MXI1: variants seen among roughly 807,000 people sequenced by gnomAD.
The protein encoded by MXI1 is MAX interactor 1, dimerization protein, also known as max-interacting protein 1.
Under a neutral mutation model 36.9 loss-of-function variants are expected in MXI1, and 18 were observed. That is an observed-to-expected ratio of 0.49 (90% CI 0.34 to 0.72). The LOEUF (loss-of-function observed/expected upper bound fraction) is 0.72, where lower values mean the gene tolerates loss of function less well. Ranked by LOEUF, MXI1 falls within the 30% of genes least tolerant of loss-of-function variation. MXI1 has a pLI of 0.01. For synonymous variants in MXI1, 160 were observed against 146.7 expected (o/e 1.09, Z -0.65); for missense variants, 304 against 379.1 (o/e 0.80, Z 1.64).
chr10:110,261,286 A>G (rs1416815241), intron 3 of MXI1: 4 of 362,536 alleles, frequency 1.1e-5, no homozygotes, highest in African/African-American at 8.8e-5. Flanking sequence ...TTGCTTGCAG[A>G]GTTGCTAAGC....
rs77305453 is a variant in MXI1 at position 110,244,002 on chromosome 10, T to C, written c.408-826T>C. 5.6e-4 allele frequency among the ~76,000 whole-genome samples: 85 copies of C among 152,162 alleles called. No homozygotes were observed. The East Asian group carries it at 0.015, about 28-fold the overall frequency. On this transcript the variant is annotated intron_variant, in intron 2 of 5. Coordinates refer to ENST00000332674, the MANE Select transcript of MXI1 (RefSeq NM_130439.3). ...AAATCATGGCTGCCACTTTATACTC[T>C]TGGGAGAGGAGTATATTTCTTGACT...
chr10:110,221,488 C>T (rs1276011962), intron 1 of MXI1, among the ~76,000 whole-genome samples: 1 of 152,166 alleles, frequency 6.6e-6, no homozygotes, highest in Non-Finnish European at 1.5e-5. Context: ...CCAAAGTAAG[C>T]AAGCCGCTTA....
At chr10:110,271,908 T>C (rs891168583) in intron 3 of MXI1, among the ~76,000 whole-genome samples, 3 of 152,222 alleles carry the variant, frequency 2.0e-5, no homozygotes, top group African/African-American at 2.4e-5. Flanking sequence ...AGAAAGAATA[T>C]GTGACTATTT....
intron 3 of MXI1, among the ~76,000 whole-genome samples, chr10:110,277,357 A>T (rs899029530): frequency 1.3e-5 from 2 of 152,120 alleles, no homozygotes; most frequent in African/African-American, 4.8e-5. Flanking sequence ...CAGTCATATT[A>T]TATGAGTGCA....
chr10:110,216,300 T>G (rs1854634195), intron 1 of MXI1, among the ~76,000 whole-genome samples: 1 of 152,222 alleles, frequency 6.6e-6, no homozygotes, highest in Admixed American at 6.5e-5. Flanking sequence ...AATTATGTTG[T>G]GAGCCATTCT....
intron 3 of MXI1, among the ~76,000 whole-genome samples, chr10:110,278,568 GTTGTA>G (rs748195666): frequency 1.3e-5 from 2 of 152,182 alleles, no homozygotes; most frequent in Non-Finnish European, 2.9e-5. Flanking sequence ...TGCTGTTTCT[GTTGTA>G]TTGGAGTATA....
chr10:110,280,199 T>C (rs996742060), intron 5 of MXI1, 114 bp downstream of exon 5: 1 of 876,222 alleles, frequency 1.1e-6, no homozygotes, highest in African/African-American at 1.7e-5. Flanking sequence ...AGAGTAACAT[T>C]GTAGGTTTTA....
chr10:110,256,814 A>G (rs1856318259), intron 3 of MXI1, among the ~76,000 whole-genome samples: 1 of 152,142 alleles, frequency 6.6e-6, no homozygotes, highest in Non-Finnish European at 1.5e-5. Flanking sequence ...AAGTCCACTG[A>G]GTTTGCAGTT....
At chr10:110,265,155 C>T (rs530447000) in intron 3 of MXI1, among the ~76,000 whole-genome samples, 1 of 152,126 alleles carries the variant, frequency 6.6e-6, no homozygotes, top group Non-Finnish European at 1.5e-5. Context: ...GAGTTAGATG[C>T]TAGTACAGGC....
chr10:110,208,079 A>C lies in MXI1; in HGVS notation c.271A>C (p.Lys91Gln). ...SYLEQIEKEN[K>Q]KCEHGYASSF... is the part of the protein sequence containing the mutation. ...CCTGGAGCAGATCGAGAAAGAAAACAAAAGTAAGTTTGGGGGCCCCTGCTC... is the reference window on the plus strand; with the variant it reads ...CCTGGAGCAGATCGAGAAAGAAAACCAAAGTAAGTTTGGGGGCCCCTGCTC... Residue 91 changes from lysine (K) to glutamine (Q), a missense_variant, in exon 1 of 6, where the codon AAA becomes CAA. This residue lies in a region of MXI1 where 179 missense variants were observed against 184.8 expected (regional missense o/e 0.97). Transcript: ENST00000332674. The C allele has an allele frequency of 6.3e-7, 1 of 1,588,180 alleles. No homozygotes were observed. The highest frequency in any genetic ancestry group is 8.6e-7 in the Non-Finnish European group (1 of 1,167,822).
chr10:110,275,460 C>T (rs1856994301), intron 3 of MXI1, among the ~76,000 whole-genome samples: 1 of 152,110 alleles, frequency 6.6e-6, no homozygotes, highest in African/African-American at 2.4e-5. Flanking sequence ...ATAATTTTGC[C>T]ATACAATTGC....
At chr10:110,274,545 G>C (rs1856964438) in intron 3 of MXI1, among the ~76,000 whole-genome samples, 1 of 152,138 alleles carries the variant, frequency 6.6e-6, no homozygotes, top group South Asian at 2.1e-4. Flanking sequence ...TTTATTAGCT[G>C]TTCATGTGTT....
At chr10:110,255,891 G>A (rs1856271478) in intron 3 of MXI1, among the ~76,000 whole-genome samples, 1 of 152,120 alleles carries the variant, frequency 6.6e-6, no homozygotes, top group Admixed American at 6.6e-5. Context: ...TAAAGTTGGA[G>A]AGCTTGCATT....
chr10:110,264,981 A>G (rs1221406413), intron 3 of MXI1, among the ~76,000 whole-genome samples: 3 of 151,916 alleles, frequency 2.0e-5, no homozygotes, highest in Non-Finnish European at 4.4e-5. Context: ...AATGTTTTCT[A>G]GAAATGGTAT....
intron 3 of MXI1, among the ~76,000 whole-genome samples, chr10:110,278,568 G>A (rs1034649031): frequency 6.6e-6 from 1 of 152,182 alleles, no homozygotes; most frequent in African/African-American, 2.4e-5. Context: ...TGCTGTTTCT[G>A]TTGTATTGGA....
intron 1 of MXI1, 96 bp downstream of exon 1, chr10:110,208,178 C>A (rs1341072384): frequency 2.2e-5 from 29 of 1,297,632 alleles, no homozygotes; most frequent in African/African-American, 1.1e-4. Context: ...GTCCCCCCCC[C>A]GCCCAACATA....
intron 2 of MXI1, among the ~76,000 whole-genome samples, chr10:110,231,575 G>A (rs1855262926): frequency 6.6e-6 from 1 of 152,068 alleles, no homozygotes; most frequent in African/African-American, 2.4e-5. Flanking sequence ...CTGATAGTTG[G>A]AAGTGGCACC....
intron 1 of MXI1, chr10:110,210,374 G>A (rs1417696531): frequency 5.0e-6 from 4 of 793,592 alleles, no homozygotes; most frequent in Non-Finnish European, 6.1e-6. Context: ...CCCGGCGGGA[G>A]TATTTTTAGC....
intron 1 of MXI1, chr10:110,226,326 C>G: frequency 6.9e-7 from 1 of 1,453,638 alleles, no homozygotes. Context: ...CGCTACTAAT[C>G]TTTTTCGGCA....
Sources: gnomAD v4.1 joint callset for allele counts (sites outside exome capture counted in the v4.1 genomes callset) on GRCh38, gnomAD v4.1.1 for gene constraint, gnomAD v4.1.1 regional missense constraint, MANE v1.5 for transcripts, NCBI Gene and HGNC (gene_info 2026-07-23, HGNC 2026-07-21) for gene names.